The following SHOC1 variants were observed in gnomAD, a reference collection of about 807,000 sequenced individuals.
SHOC1 encodes the protein protein shortage in chiasmata 1 ortholog.
In SHOC1, 136 loss-of-function variants were observed where a neutral mutation model predicts 179.2. The observed-to-expected ratio is 0.76, with a 90% CI of 0.66 to 0.87. The LOEUF (loss-of-function observed/expected upper bound fraction) is 0.87, where lower values mean the gene tolerates loss of function less well. SHOC1 is among the 40% of genes least tolerant of loss of function. The pLI, the probability that SHOC1 is intolerant of heterozygous loss-of-function variation, is 0.00. For missense variants in SHOC1, 1,538 were observed against 1,700.8 expected (o/e 0.90, Z 1.68); for synonymous variants, 489 against 586.6 (o/e 0.83, Z 2.41).
At chr9:111,711,995 G>C (rs934041863) in intron 18 of SHOC1, among the ~76,000 whole-genome samples, 1 of 152,160 alleles carries the variant, frequency 6.6e-6, no homozygotes, top group African/African-American at 2.4e-5. Flanking sequence ...GAAAGAAAAG[G>C]AGATGAAACA....
intron 8 of SHOC1, among the ~76,000 whole-genome samples, chr9:111,753,075 T>C (rs942875042): frequency 5.9e-5 from 9 of 152,018 alleles, no homozygotes; most frequent in East Asian, 1.9e-4. Flanking sequence ...AAAGAAAACA[T>C]GAACAGAGCT....
At chr9:111,744,434 A>G (rs916298797) in intron 10 of SHOC1, among the ~76,000 whole-genome samples, 2 of 152,188 alleles carry the variant, frequency 1.3e-5, no homozygotes, top group African/African-American at 4.8e-5. Flanking sequence ...ATTCTTAGCC[A>G]GAAGATAAAG....
intron 12 of SHOC1, among the ~76,000 whole-genome samples, chr9:111,734,685 C>T (rs1323969585): frequency 5.9e-5 from 9 of 152,106 alleles, no homozygotes; most frequent in African/African-American, 2.2e-4. Context: ...CAGGAGTACA[C>T]TATAGAAATG....
intron 24 of SHOC1, among the ~76,000 whole-genome samples, 162 bp from the exon 25 acceptor site, chr9:111,694,524 T>C (rs1589373205): frequency 6.6e-6 from 1 of 152,282 alleles, no homozygotes; most frequent in Non-Finnish European, 1.5e-5. Flanking sequence ...ATTTTATTTA[T>C]GAGGATAACC....
intron 5 of SHOC1, among the ~76,000 whole-genome samples, chr9:111,763,274 C>A (rs1835214042): frequency 6.6e-6 from 1 of 151,834 alleles, no homozygotes; most frequent in Non-Finnish European, 1.5e-5. Context: ...AGAAATAATT[C>A]TAGAAAATAT....
intron 5 of SHOC1, among the ~76,000 whole-genome samples, chr9:111,760,930 A>G (rs960757265): frequency 6.6e-6 from 1 of 151,566 alleles, no homozygotes; most frequent in African/African-American, 2.4e-5. Context: ...GAGAGTAGAA[A>G]AAAGTAATAA....
chr9:111,702,358 A>C (rs1832019079), intron 22 of SHOC1, 132 bp from the exon 23 acceptor site: 1 of 602,026 alleles, frequency 1.7e-6, no homozygotes, highest in African/African-American at 2.0e-5. Context: ...CCCCCATTTC[A>C]TGGAAAAATT....
chr9:111,730,592 C>T (rs1171727937), intron 12 of SHOC1, among the ~76,000 whole-genome samples: 3 of 152,186 alleles, frequency 2.0e-5, no homozygotes, highest in African/African-American at 4.8e-5. Flanking sequence ...TAGGTCTCAA[C>T]AGTGGCCTTA....
chr9:111,698,457 T>C (rs1209384878), intron 24 of SHOC1, among the ~76,000 whole-genome samples: 1 of 152,198 alleles, frequency 6.6e-6, no homozygotes, highest in Non-Finnish European at 1.5e-5. Flanking sequence ...GGAATCCTTT[T>C]CCCATTTCTT....
intron 2 of SHOC1, among the ~76,000 whole-genome samples, chr9:111,788,029 T>C (rs1244997709): frequency 2.0e-5 from 3 of 151,950 alleles, no homozygotes; most frequent in Non-Finnish European, 4.4e-5. Flanking sequence ...ATAGTGCTAC[T>C]GCACTTAATG....
intron 5 of SHOC1, chr9:111,759,073 G>T: frequency 1.4e-6 from 2 of 1,416,906 alleles, no homozygotes; most frequent in South Asian, 1.4e-5. Context: ...CCGAGGAATA[G>T]CCAAATATCC....
At chr9:111,765,616 C>A (rs2131589547) in intron 5 of SHOC1, among the ~76,000 whole-genome samples, 1 of 151,602 alleles carries the variant, frequency 6.6e-6, no homozygotes, top group East Asian at 1.9e-4. Flanking sequence ...AAAACAAAAA[C>A]AAAACAAGCT....
chr9:111,768,117 C>T (rs962376064), intron 5 of SHOC1, among the ~76,000 whole-genome samples: 8 of 151,612 alleles, frequency 5.3e-5, no homozygotes, highest in Non-Finnish European at 1.2e-4. Context: ...AGAATGATTT[C>T]TAGGTATTTT....
intron 26 of SHOC1, among the ~76,000 whole-genome samples, chr9:111,693,214 G>A (rs567882611): frequency 1.3e-5 from 2 of 151,880 alleles, no homozygotes; most frequent in Non-Finnish European, 2.9e-5. Context: ...GCTGAGGCAC[G>A]AGAATTGCTT....
At chr9:111,774,193 A>G (rs966116709) in intron 5 of SHOC1, among the ~76,000 whole-genome samples, 3 of 152,062 alleles carry the variant, frequency 2.0e-5, no homozygotes, top group Admixed American at 2.0e-4. Flanking sequence ...ATAAACTTAC[A>G]TATATTAGTT....
chr9:111,717,184 T>C (rs1832828558), intron 16 of SHOC1, among the ~76,000 whole-genome samples: 1 of 152,220 alleles, frequency 6.6e-6, no homozygotes, highest in Non-Finnish European at 1.5e-5. Flanking sequence ...GTCTGGATCA[T>C]AAATAAGAGA....
rs771861977 is a variant in SHOC1 at position 111,703,912 on chromosome 9, G to T, written c.2936C>A (p.Thr979Lys). ...AATTATGGCAGTGTGTTCATCAATTGTCACCACTACATAACACTCTGAACT... is the reference window on the plus strand; with the variant it reads ...AATTATGGCAGTGTGTTCATCAATTTTCACCACTACATAACACTCTGAACT... Reference protein sequence around the residue: ...FGSSECYVVVTIDEHTAIILQ... With the variant: ...FGSSECYVVVKIDEHTAIILQ... The change falls in exon 22 of 28, where the codon ACA becomes AAA. Residue 979 changes from threonine to lysine, a missense_variant. Physicochemically the swap from Thr to Lys is moderately conservative, Grantham distance 78 (BLOSUM62 -1). Coordinates refer to ENST00000682961, the MANE Select transcript of SHOC1 (RefSeq NM_001378211.1). The T allele has an allele frequency of 6.2e-7, 1 of 1,605,156 alleles. No individual in the cohort carries two copies. The highest frequency in any genetic ancestry group is 8.5e-7 in the Non-Finnish European group (1 of 1,175,002).
At chr9:111,735,941 G>A (rs1257474298) in intron 12 of SHOC1, among the ~76,000 whole-genome samples, 1 of 152,080 alleles carries the variant, frequency 6.6e-6, no homozygotes, top group Non-Finnish European at 1.5e-5. Context: ...CACGTTAATG[G>A]GCACCTAGGT....
At chr9:111,701,351 A>G (rs1160456553) in intron 23 of SHOC1, among the ~76,000 whole-genome samples, 1 of 152,158 alleles carries the variant, frequency 6.6e-6, no homozygotes, top group Non-Finnish European at 1.5e-5. Context: ...TATGATTGTG[A>G]ATATTTATTC....
Sources: allele counts gnomAD v4.1 joint callset (sites outside exome capture counted in the v4.1 genomes callset), GRCh38; gene constraint gnomAD v4.1.1; transcripts MANE v1.5; gene names NCBI Gene and HGNC (gene_info 2026-07-23, HGNC 2026-07-21).